Variants in NDST4 observed in about 807,000 individuals in gnomAD.
NDST4 encodes N-heparan sulfate sulfotransferase 4.
Under a neutral mutation model 100.8 loss-of-function variants are expected in NDST4, and 63 were observed. That is an observed-to-expected ratio of 0.62 (90% CI 0.51 to 0.77). NDST4 has a LOEUF of 0.77. Ranked by LOEUF, NDST4 falls within the 30% of genes least tolerant of loss-of-function variation. NDST4 has a pLI of 0.00. For missense variants in NDST4, 943 were observed against 1,018.4 expected, an observed-to-expected ratio of 0.93 and a Z score of 1.01; for synonymous variants, 377 against 361.8, an observed-to-expected ratio of 1.04 and a Z score of -0.48.
intron 1 of NDST4, among the ~76,000 whole-genome samples, chr4:115,110,839 A>G (rs539291325): frequency 6.6e-6 from 1 of 151,680 alleles, no homozygotes; most frequent in African/African-American, 2.4e-5. Flanking sequence ...TGTACTGGAG[A>G]AAAAAAATAA....
At position 115,032,775 on chromosome 4, in the gene NDST4, T is replaced by C. The variant is rs527317004; in HGVS notation, c.978+43284A>G. Among the ~76,000 whole-genome samples the C allele has an allele frequency of 5.4e-4, 82 of 152,218 alleles. No homozygotes were observed. In the South Asian group the frequency reaches 6.0e-3, roughly 11 times the overall value. On this transcript the variant is annotated intron_variant, in intron 2 of 13. Coordinates refer to ENST00000264363, the MANE Select transcript of NDST4 (RefSeq NM_022569.3). ...TAGGTAATAGTTGTTGCTGATGTTA[T>C]AGAAGTTTGAGGTTTGGTCAAAAAT...
chr4:115,062,587 A>G (rs893650421), intron 2 of NDST4, among the ~76,000 whole-genome samples: 10 of 151,768 alleles, frequency 6.6e-5, no homozygotes, highest in Non-Finnish European at 1.5e-4. Flanking sequence ...AGATATCTGC[A>G]AGCATATCAG....
At chr4:114,994,771 C>T (rs1032984724) in intron 2 of NDST4, among the ~76,000 whole-genome samples, 1 of 151,930 alleles carries the variant, frequency 6.6e-6, no homozygotes, top group Non-Finnish European at 1.5e-5. Context: ...AAATCTTATC[C>T]TCTTGGGTTT....
intron 2 of NDST4, among the ~76,000 whole-genome samples, chr4:114,991,687 T>C (rs1727044638): frequency 6.6e-6 from 1 of 151,982 alleles, no homozygotes; most frequent in Non-Finnish European, 1.5e-5. Flanking sequence ...ACTTGTTACT[T>C]ATATAAAATT....
intron 6 of NDST4, among the ~76,000 whole-genome samples, chr4:114,890,977 T>C (rs1219844357): frequency 6.6e-6 from 1 of 152,068 alleles, no homozygotes; most frequent in Non-Finnish European, 1.5e-5. Flanking sequence ...GACTCATTAG[T>C]TCTTTTGTAT....
rs974123357 is a variant in NDST4 at position 114,847,319 on chromosome 4, T to G, written c.1940+896A>C. ...TGAACCCGGGAGGCGGAGCTTGCAG[T>G]GAGCCGAGATCCCGCCACTGCACTC... is the stretch of plus-strand genomic sequence containing the variant. On this transcript the variant is annotated intron_variant, in intron 9 of 13. Coordinates refer to ENST00000264363, the MANE Select transcript of NDST4 (RefSeq NM_022569.3). Among the ~76,000 whole-genome samples the G allele has an allele frequency of 5.6e-4, 60 of 107,882 alleles. 7 individuals are homozygous for G. Among genetic ancestry groups the G allele is most frequent in the African/African-American group, 3.0e-3 (57 of 18,932 alleles). The allele number at this position is 107,882 out of a possible 152,430, so 70.8% of individuals were successfully genotyped here.
intron 9 of NDST4, 46 bp from the exon 10 acceptor site, chr4:114,846,043 T>G: frequency 7.0e-7 from 1 of 1,427,756 alleles, no homozygotes; most frequent in South Asian, 1.3e-5. Context: ...ATAATTTTTC[T>G]TGCCATATTC....
At chr4:114,973,827 T>C (rs1726569594) in intron 3 of NDST4, among the ~76,000 whole-genome samples, 1 of 151,856 alleles carries the variant, frequency 6.6e-6, no homozygotes, top group Non-Finnish European at 1.5e-5. Context: ...ATATAATTTC[T>C]AAATGTTGAG....
At chr4:115,055,107 A>G (rs527840113) in intron 2 of NDST4, among the ~76,000 whole-genome samples, 1 of 152,192 alleles carries the variant, frequency 6.6e-6, no homozygotes, top group Admixed American at 6.5e-5. Context: ...TAAACTGTAT[A>G]TGCGAAGAAT....
At chr4:114,882,697 A>C (rs1285518201) in intron 6 of NDST4, among the ~76,000 whole-genome samples, 1 of 152,114 alleles carries the variant, frequency 6.6e-6, no homozygotes, top group Non-Finnish European at 1.5e-5. Flanking sequence ...GCAGAAGAAA[A>C]TTTAAAGTAA....
chr4:114,836,012 C>A (rs1056215890), intron 11 of NDST4, among the ~76,000 whole-genome samples: 2 of 152,112 alleles, frequency 1.3e-5, no homozygotes, highest in African/African-American at 4.8e-5. Flanking sequence ...CGTCTTCGCA[C>A]GTGAGATGGG....
intron 3 of NDST4, among the ~76,000 whole-genome samples, chr4:114,971,546 A>G (rs944780095): frequency 1.3e-5 from 2 of 152,178 alleles, no homozygotes; most frequent in Non-Finnish European, 2.9e-5. Context: ...TAACATAAGA[A>G]TTAATTCCTG....
rs74446112 is a variant in NDST4 at position 114,993,776 on chromosome 4, T to C, written c.979-16502A>G. Among the ~76,000 whole-genome samples, 93 of 152,062 alleles carry C rather than the reference T, an allele frequency of 6.1e-4. 1 individual carries two copies. In the East Asian group the frequency reaches 0.016, roughly 27 times the overall value. ...CCATAAATTTAGCTCCTTAAAGACA[T>C]TGCTTTTCTAGTTTTCAGTTGTACC... On this transcript the variant is annotated intron_variant, in intron 2 of 13. Transcript: ENST00000264363.
chr4:114,961,920 A>G (rs1161210467), intron 4 of NDST4, among the ~76,000 whole-genome samples: 3 of 152,118 alleles, frequency 2.0e-5, no homozygotes, highest in African/African-American at 7.2e-5. Flanking sequence ...CTCTATTAAT[A>G]GAGTTTAAAA....
intron 2 of NDST4, among the ~76,000 whole-genome samples, chr4:115,062,453 A>G (rs746741277): frequency 5.3e-5 from 8 of 151,898 alleles, no homozygotes; most frequent in Admixed American, 2.0e-4. Context: ...ATACACACGA[A>G]AAAATGCCCA....
chr4:114,829,908 CATA>C lies in NDST4; in HGVS notation c.2397-19_2397-17del. 6.4e-7 allele frequency: 1 copy of C among 1,564,452 alleles called. No individual in the cohort carries two copies. Among genetic ancestry groups the C allele is most frequent in the Non-Finnish European group, 8.7e-7 (1 of 1,144,982 alleles). ...GGGATCAAACCTACAGTACATAAAA[CATA>C]ATGATTACAAATTGTATGCAGAATT... On this transcript the variant is annotated splice_polypyrimidine_tract_variant and intron_variant, in intron 12 of 13. Transcript: ENST00000264363.
At chr4:114,841,355 A>C (rs1426568796) in intron 10 of NDST4, among the ~76,000 whole-genome samples, 1 of 152,192 alleles carries the variant, frequency 6.6e-6, no homozygotes, top group African/African-American at 2.4e-5. Context: ...TATGGTATTT[A>C]CTGAATAGAC....
intron 7 of NDST4, among the ~76,000 whole-genome samples, chr4:114,864,371 C>T (rs1723979831): frequency 6.6e-6 from 1 of 152,186 alleles, no homozygotes; most frequent in Admixed American, 6.5e-5. Context: ...TCTTTTAAAA[C>T]ACATTTTTCC....
chr4:114,852,500 A>C (rs926925987), intron 8 of NDST4, among the ~76,000 whole-genome samples: 2 of 152,160 alleles, frequency 1.3e-5, no homozygotes, highest in Non-Finnish European at 2.9e-5. Context: ...TTTAAAGTTC[A>C]TAAAGAATTT....
Sources: gnomAD v4.1 joint callset for allele counts (sites outside exome capture counted in the v4.1 genomes callset) on GRCh38, gnomAD v4.1.1 for gene constraint, MANE v1.5 for transcripts, NCBI Gene and HGNC (gene_info 2026-07-23, HGNC 2026-07-21) for gene names.